Variants in MARCHF1 observed in about 807,000 individuals in gnomAD.
MARCHF1 encodes the protein E3 ubiquitin-protein ligase MARCHF1.
MARCHF1 carries 40 observed loss-of-function variants against 54.2 expected under a neutral mutation model. The observed-to-expected ratio is 0.74, with a 90% CI of 0.57 to 0.96. MARCHF1 has a LOEUF of 0.96. MARCHF1 is among the 40% of genes least tolerant of loss of function. The pLI is 0.00. For synonymous variants in MARCHF1, 236 were observed against 236.3 expected (o/e 1.00, Z 0.01); for missense variants, 586 against 656.5 (o/e 0.89, Z 1.17).
At chr4:164,062,483 A>G (rs190447272) in intron 2 of MARCHF1, among the ~76,000 whole-genome samples, 3 of 152,206 alleles carry the variant, frequency 2.0e-5, no homozygotes, top group Admixed American at 6.5e-5. Context: ...ATCACTATAT[A>G]TGGATACTAC....
At chr4:164,307,550 C>T (rs1349240714) in intron 1 of MARCHF1, among the ~76,000 whole-genome samples, 1 of 152,200 alleles carries the variant, frequency 6.6e-6, no homozygotes. Context: ...CACCCCAGCC[C>T]CCTGGGCAAA....
At chr4:163,620,602 CACACAGAGAGAGAGAGAG>C (rs1315467660) in intron 5 of MARCHF1, among the ~76,000 whole-genome samples, 169 of 97,908 alleles carry the variant, frequency 1.7e-3, no homozygotes, top group Middle Eastern at 4.7e-3. Flanking sequence ...CACACACACA[CACACAGAGAGAGAGAGAG>C]AGAGAGAGAG....
At position 164,190,200 on chromosome 4, in the gene MARCHF1, G is replaced by T; in HGVS notation, c.-322-78538C>A. 1.9e-6 allele frequency: 3 copies of T among 1,556,736 alleles called. No individual in the cohort carries two copies. In the South Asian group the frequency reaches 3.5e-5, roughly 18 times the overall value. On this transcript the variant is annotated intron_variant, in intron 1 of 9. Transcript: ENST00000514618. ...GATTGAATGGCTGGAAAGCCACCAA[G>T]CTGCTGACATTGAAGACTTCGAAGC...
At chr4:163,997,925 T>TACACACAC (rs5863648) in intron 2 of MARCHF1, among the ~76,000 whole-genome samples, 38 of 148,316 alleles carry the variant, frequency 2.6e-4, no homozygotes, top group African/African-American at 8.2e-4. Flanking sequence ...TTGCCTTAAA[T>TACACACAC]ACACACACAC....
chr4:164,116,878 C>T (rs1274013642), intron 1 of MARCHF1, among the ~76,000 whole-genome samples: 4 of 152,034 alleles, frequency 2.6e-5, no homozygotes, highest in African/African-American at 7.3e-5. Context: ...ACTAAGAAGA[C>T]ATAATTGACT....
At chr4:163,991,078 T>C (rs1752959444) in intron 2 of MARCHF1, among the ~76,000 whole-genome samples, 1 of 152,212 alleles carries the variant, frequency 6.6e-6, no homozygotes, top group South Asian at 2.1e-4. Flanking sequence ...GGTTGAGTTA[T>C]TTCAATTAGC....
intron 9 of MARCHF1, among the ~76,000 whole-genome samples, chr4:163,538,339 T>TCACA (rs796519415): frequency 1.2e-4 from 18 of 150,264 alleles, no homozygotes; most frequent in African/African-American, 4.4e-4. Context: ...TTTTTTTTTT[T>TCACA]CACACACACA....
At chr4:164,121,644 G>A (rs1756069017) in intron 1 of MARCHF1, among the ~76,000 whole-genome samples, 1 of 152,048 alleles carries the variant, frequency 6.6e-6, no homozygotes, top group East Asian at 1.9e-4. Flanking sequence ...AGATTTGGGT[G>A]GGGCCACAGC....
intron 1 of MARCHF1, among the ~76,000 whole-genome samples, chr4:164,279,018 C>T (rs1733956717): frequency 6.6e-6 from 1 of 150,906 alleles, no homozygotes; most frequent in African/African-American, 2.4e-5. Context: ...CACTATAGAC[C>T]AGTATTTTAT....
At chr4:164,051,601 A>G (rs1364599233) in intron 2 of MARCHF1, among the ~76,000 whole-genome samples, 2 of 152,146 alleles carry the variant, frequency 1.3e-5, no homozygotes, top group African/African-American at 4.8e-5. Context: ...TGAGATAGGT[A>G]TTAATATTTT....
intron 3 of MARCHF1, among the ~76,000 whole-genome samples, chr4:163,866,248 T>G (rs1750045173): frequency 6.6e-6 from 1 of 151,190 alleles, no homozygotes; most frequent in African/African-American, 2.4e-5. Context: ...TCTATATAGT[T>G]CTCTCAAAAT....
rs77115069 is a variant in MARCHF1, at chr4:163,747,068, G to A, written c.112-46205C>T. ...TTCAGGGTCTGCCAATGGTACCGTC[G>A]AATAGGAGAGAAATGTATAATCTGC... On this transcript the variant is annotated intron_variant, in intron 4 of 9. Coordinates refer to ENST00000514618, the MANE Select transcript of MARCHF1 (RefSeq NM_001394959.1). Among the ~76,000 whole-genome samples, 1,171 of 152,246 alleles carry A rather than the reference G, an allele frequency of 7.7e-3. 8 individuals carry two copies. Among genetic ancestry groups the A allele is most frequent in the South Asian group, 0.022 (104 of 4,814 alleles).
chr4:163,711,666 G>A (rs944497520), intron 4 of MARCHF1, among the ~76,000 whole-genome samples: 5 of 152,118 alleles, frequency 3.3e-5, no homozygotes, highest in African/African-American at 1.2e-4. Flanking sequence ...GTAGCTTTCT[G>A]CAAAAATGCC....
At chr4:163,727,562 C>T (rs1458513861) in intron 4 of MARCHF1, among the ~76,000 whole-genome samples, 2 of 152,116 alleles carry the variant, frequency 1.3e-5, no homozygotes, top group Non-Finnish European at 2.9e-5. Context: ...ACCTCGGCCT[C>T]CCAAAGTGCT....
chr4:164,220,882 A>G (rs555753800), intron 1 of MARCHF1, among the ~76,000 whole-genome samples: 102 of 151,488 alleles, frequency 6.7e-4, no homozygotes, highest in South Asian at 1.5e-3. Context: ...ATTTAAAAAA[A>G]CAAAACAGTA....
intron 4 of MARCHF1, among the ~76,000 whole-genome samples, chr4:163,814,362 T>C (rs1447428585): frequency 6.6e-6 from 1 of 152,120 alleles, no homozygotes; most frequent in African/African-American, 2.4e-5. Context: ...ATTGCCCCCA[T>C]GACCTGGTGT....
chr4:164,137,214 T>C (rs1756421090), intron 1 of MARCHF1, among the ~76,000 whole-genome samples: 1 of 152,214 alleles, frequency 6.6e-6, no homozygotes, highest in African/African-American at 2.4e-5. Context: ...TTGGTATCTA[T>C]CTTATGTTAA....
chr4:164,172,800 A>T (rs1037437718), intron 1 of MARCHF1, among the ~76,000 whole-genome samples: 4 of 152,020 alleles, frequency 2.6e-5, no homozygotes, highest in Non-Finnish European at 4.4e-5. Context: ...ACACGGTGAA[A>T]CCCCGTCTGT....
intron 3 of MARCHF1, among the ~76,000 whole-genome samples, chr4:163,955,309 G>A (rs1271112505): frequency 1.4e-5 from 2 of 141,882 alleles, no homozygotes; most frequent in Non-Finnish European, 3.0e-5. Flanking sequence ...CTTACAGCAA[G>A]CTCTCTCACA....
Sources: gnomAD v4.1 joint callset for allele counts (sites outside exome capture counted in the v4.1 genomes callset) on GRCh38, gnomAD v4.1.1 for gene constraint, MANE v1.5 for transcripts, NCBI Gene and HGNC (gene_info 2026-07-23, HGNC 2026-07-21) for gene names.